The following LY9 variants were observed in gnomAD, a reference collection of about 807,000 sequenced individuals.
The protein encoded by LY9 is T-lymphocyte surface antigen Ly-9.
Under a neutral mutation model 64.6 loss-of-function variants are expected in LY9, and 59 were observed. The ratio of observed to expected loss-of-function variants is 0.91; its 90% CI spans 0.74 to 1.13. LY9 has a LOEUF of 1.13. Ranked by LOEUF, LY9 falls within the 50% of genes most tolerant of loss-of-function variation. LY9 has a pLI of 0.00. For missense variants in LY9, 789 were observed against 797.2 expected (o/e 0.99, Z 0.12); for synonymous variants, 281 against 308.5 (o/e 0.91, Z 0.93).
chr1:160,825,207 TA>T (rs60088243), intron 9 of LY9, among the ~76,000 whole-genome samples: 1,676 of 138,290 alleles, frequency 0.012, 10 homozygotes, highest in East Asian at 0.049. Context: ...GACCATGTCT[TA>T]AAAAAAAAAA....
In LY9 at chr1:160,820,615, C is replaced by T. The variant is rs1668341043; in HGVS notation, c.1498+1241C>T. On this transcript the variant is annotated intron_variant, in intron 7 of 9. Transcript: ENST00000263285. Reference sequence around the variant, plus strand: ...AAGCTCCCCATCAGCTCCCTCCTCACTACTGACAGGACAGAGCCCTGGTGT... The same window carrying T: ...AAGCTCCCCATCAGCTCCCTCCTCATTACTGACAGGACAGAGCCCTGGTGT... Among the ~76,000 whole-genome samples the T allele has an allele frequency of 2.0e-5, 3 of 152,032 alleles. No homozygotes were observed. The South Asian group carries it at 6.2e-4, about 31-fold the overall frequency.
rs1324170290 is a variant in LY9 at position 160,818,251 on chromosome 1, T to C, written c.1376T>C (p.Leu459Ser). The C allele has an allele frequency of 4.3e-6, 7 of 1,613,990 alleles. No individual in the cohort carries two copies. The African/African-American group carries it at 9.3e-5, about 22-fold the overall frequency. ...PERNTKLWIG[L>S]FLMVCLLCVG... ...AGAAACACAAAGCTTTGGATTGGGT[T>C]GTTCCTGATGGTTTGCCTTCTGTGC... The change falls in exon 6 of 10, where the codon TTG becomes TCG. Residue 459 changes from leucine to serine, a missense_variant. Coordinates refer to ENST00000263285, the MANE Select transcript of LY9 (RefSeq NM_002348.4).
intron 7 of LY9, among the ~76,000 whole-genome samples, chr1:160,819,814 A>G (rs1668251110): frequency 7.5e-6 from 1 of 133,242 alleles, no homozygotes; most frequent in Non-Finnish European, 1.6e-5. Context: ...AAAAACAGAA[A>G]GAGAAAGAAA....
At chr1:160,806,922 C>T (rs947761826) in intron 2 of LY9, among the ~76,000 whole-genome samples, 1 of 151,978 alleles carries the variant, frequency 6.6e-6, no homozygotes, top group Admixed American at 6.5e-5. Flanking sequence ...CTTTTTTATT[C>T]TTTTTATTTA....
At chr1:160,820,481 T>C (rs1668330029) in intron 7 of LY9, among the ~76,000 whole-genome samples, 1 of 152,166 alleles carries the variant, frequency 6.6e-6, no homozygotes. Flanking sequence ...CCCATGGAGA[T>C]GGAATCAGAG....
At position 160,799,934 on chromosome 1, in the gene LY9, C is replaced by A. The variant is rs769063575; in HGVS notation, c.306C>A (p.Ser102Arg). ...PKENVTIMVKSYLGRLDITKW... is the reference protein window; with the variant it reads ...PKENVTIMVKRYLGRLDITKW... ...AAAATGTAACCATTATGGTCAAAAGCTACCTGGGCCGACTAGACATCACCA... is the reference window on the plus strand; with the variant it reads ...AAAATGTAACCATTATGGTCAAAAGATACCTGGGCCGACTAGACATCACCA... Residue 102 changes from serine (S) to arginine (R), a missense_variant, in exon 2 of 10, where the codon AGC (serine) becomes AGA (arginine). Ser to Arg is a moderately radical substitution (Grantham distance 110). Transcript: ENST00000263285. 6.2e-7 allele frequency: 1 copy of A among 1,613,482 alleles called. No homozygotes were observed. The highest frequency in any genetic ancestry group is 8.5e-7 in the Non-Finnish European group (1 of 1,179,386).
At chr1:160,820,469 T>G (rs987882469) in intron 7 of LY9, among the ~76,000 whole-genome samples, 4 of 152,142 alleles carry the variant, frequency 2.6e-5, no homozygotes, top group African/African-American at 9.7e-5. Flanking sequence ...TGGCAGGGAT[T>G]CCCCATGGAG....
intron 2 of LY9, chr1:160,809,617 C>G (rs1667311706): frequency 6.6e-6 from 1 of 151,810 alleles, no homozygotes; most frequent in Non-Finnish European, 1.5e-5. Context: ...CCACCTCAGC[C>G]TCCAAAGAAG....
intron 7 of LY9, among the ~76,000 whole-genome samples, chr1:160,820,845 T>G (rs1185270640): frequency 6.6e-6 from 1 of 151,304 alleles, no homozygotes; most frequent in African/African-American, 2.4e-5. Flanking sequence ...TTGAATAGTT[T>G]TTTTTTTTTT....
At chr1:160,818,358 C>A in intron 6 of LY9, 39 bp downstream of exon 6, 1 of 1,483,434 alleles carries the variant, frequency 6.7e-7, no homozygotes, top group Non-Finnish European at 9.4e-7. Flanking sequence ...CAGTGCTAGG[C>A]CATTTCCCTG....
Position 160,800,617 on chromosome 1 carries a change from G to A in LY9, c.454+535G>A, listed in dbSNP as rs186668429. The stretch of plus-strand genomic sequence containing the variant: ...TTGCATGCACATATTGCATGCTGGG[G>A]AAGTCTGGGCTTTTAGTGCACCCAT... On this transcript the variant is annotated intron_variant, in intron 2 of 9. Coordinates refer to ENST00000263285, the MANE Select transcript of LY9 (RefSeq NM_002348.4). Among the ~76,000 whole-genome samples, 36 of 152,168 alleles carry A rather than the reference G, an allele frequency of 2.4e-4. No individual in the cohort carries two copies. The East Asian group carries it at 4.1e-3, about 17-fold the overall frequency.
chr1:160,820,270 G>A (rs1450540736), intron 7 of LY9, among the ~76,000 whole-genome samples: 7 of 152,132 alleles, frequency 4.6e-5, no homozygotes, highest in African/African-American at 1.7e-4. Context: ...TGCTCTGACA[G>A]GTTTTAGTGT....
rs1668722189 is a variant in LY9, at chr1:160,824,333, T to C, written c.1899+84T>C. ...GACCCTTTGAACTGAAAATCCGAGA[T>C]TCCCATGGCTAAGGATCTTAAATTC... On this transcript the variant is annotated intron_variant, in intron 9 of 9. Transcript: ENST00000263285. 19 of 1,579,092 alleles carry C rather than the reference T, an allele frequency of 1.2e-5. No individual in the cohort carries two copies. In the South Asian group the frequency reaches 2.2e-4, roughly 19 times the overall value.
intron 4 of LY9, chr1:160,815,086 A>C: frequency 1.5e-5 from 4 of 261,150 alleles, no homozygotes; most frequent in East Asian, 7.4e-5. Context: ...CACACCTATA[A>C]TCCCGGTACT....
rs527956204 is a variant in LY9 at position 160,819,431 on chromosome 1, G to A, written c.1498+57G>A. On this transcript the variant is annotated intron_variant, in intron 7 of 9. Coordinates refer to ENST00000263285, the MANE Select transcript of LY9 (RefSeq NM_002348.4). Reference sequence around the variant, plus strand: ...ATCTGGTCCAAATGGAAGTTCTAAAGTCTTGCTGCTCAAAGTGTGGTCTGC... The same window carrying A: ...ATCTGGTCCAAATGGAAGTTCTAAAATCTTGCTGCTCAAAGTGTGGTCTGC... 3.5e-5 allele frequency: 51 copies of A among 1,455,976 alleles called. No individual in the cohort carries two copies. In the South Asian group the frequency reaches 5.3e-4, roughly 15 times the overall value. The allele number at this position is 1,455,976 out of a possible 1,614,324, so 90.2% of individuals were successfully genotyped here.
chr1:160,823,500 T>G lies in LY9; in HGVS notation c.1534T>G (p.Ser512Ala). ...TGGCCACACGCTATACTCTGTGCTC[T>G]CCCAAGGATATGAGAAGCTGGACAC... The part of the protein sequence containing the change: ...TAGHTLYSVL[S>A]QGYEKLDTPL... The change falls in exon 8 of 10, where the codon TCC (serine) becomes GCC (alanine). Residue 512 changes from serine (S) to alanine (A), a missense_variant. Ser to Ala is a moderately conservative substitution (Grantham distance 99). Transcript: ENST00000263285. The G allele has an allele frequency of 6.2e-7, 1 of 1,614,008 alleles. No individual in the cohort carries two copies. Among genetic ancestry groups the G allele is most frequent in the East Asian group, 2.2e-5 (1 of 44,870 alleles).
In LY9 at chr1:160,820,142, G is replaced by A. The variant is rs117030580; in HGVS notation, c.1498+768G>A. ...TTATTGTCTCCATTCTGAGAACAGA[G>A]AAACAAAGGCCAGATGGAACAGTAC... On this transcript the variant is annotated intron_variant, in intron 7 of 9. Transcript: ENST00000263285. Among the ~76,000 whole-genome samples the A allele has an allele frequency of 4.0e-4, 61 of 152,250 alleles. No individual in the cohort carries two copies. The East Asian group carries it at 0.011, about 27-fold the overall frequency.
intron 9 of LY9, among the ~76,000 whole-genome samples, chr1:160,826,088 C>T (rs1418035806): frequency 2.6e-5 from 4 of 152,156 alleles, no homozygotes; most frequent in Non-Finnish European, 5.9e-5. Flanking sequence ...TTGATTAACA[C>T]ATATTTTGCA....
In LY9 at chr1:160,818,229, AAC is replaced by A; in HGVS notation, c.1358_1359del (p.Thr453LysfsTer40). The A allele has an allele frequency of 6.2e-7, 1 of 1,612,978 alleles. No individual in the cohort carries two copies. Among genetic ancestry groups the A allele is most frequent in the Non-Finnish European group, 8.5e-7 (1 of 1,179,150 alleles). On this transcript the variant is annotated frameshift_variant, in exon 6 of 10. Transcript: ENST00000263285. LOFTEE classifies it high-confidence loss of function. ...TTTCCTCCTCAAAGGACCTGAGAGA[AAC>A]ACAAAGCTTTGGATTGGGTTGTTCC... ...SENICSGPER[N>X]TKLWIGLFLM... is the part of the protein sequence containing the mutation.
Sources: gnomAD v4.1 joint callset for allele counts (sites outside exome capture counted in the v4.1 genomes callset) on GRCh38, gnomAD v4.1.1 for gene constraint, MANE v1.5 for transcripts, NCBI Gene and HGNC (gene_info 2026-07-23, HGNC 2026-07-21) for gene names.